Variants in DACH1 observed in about 807,000 individuals in gnomAD.
The protein encoded by DACH1 is dachshund family transcription factor 1, also known as dachshund homolog 1.
DACH1 carries 12 observed loss-of-function variants against 54.2 expected under a neutral mutation model. The ratio of observed to expected loss-of-function variants is 0.22; its 90% confidence interval spans 0.14 to 0.36. The LOEUF is 0.36. Ranked by LOEUF, DACH1 falls within the 10% of genes least tolerant of loss-of-function variation. The pLI is 1.00. For synonymous variants in DACH1, 386 were observed against 366.2 expected (o/e 1.05, Z -0.62); for missense variants, 805 against 929.8 (o/e 0.87, Z 1.75).
chr13:71,601,671 T>A (rs1353771870), intron 3 of DACH1, among the ~76,000 whole-genome samples: 2 of 152,042 alleles, frequency 1.3e-5, no homozygotes, highest in Non-Finnish European at 2.9e-5. Context: ...ACTTTTTTTC[T>A]GATTGAAATA....
intron 2 of DACH1, among the ~76,000 whole-genome samples, chr13:71,676,368 C>T (rs1880570871): frequency 6.6e-6 from 1 of 152,130 alleles, no homozygotes; most frequent in Non-Finnish European, 1.5e-5. Flanking sequence ...CAGGCACCTG[C>T]CACCATGCCC....
intron 1 of DACH1, among the ~76,000 whole-genome samples, chr13:71,711,111 T>C (rs1048800011): frequency 2.6e-5 from 4 of 152,170 alleles, no homozygotes; most frequent in Admixed American, 6.5e-5. Flanking sequence ...GGTCATACAC[T>C]AGGCTGGATC....
intron 3 of DACH1, among the ~76,000 whole-genome samples, chr13:71,599,337 G>C (rs1452816619): frequency 6.6e-6 from 1 of 152,134 alleles, no homozygotes; most frequent in African/African-American, 2.4e-5. Flanking sequence ...TAAATGTAAT[G>C]TAATTCAGGT....
chr13:71,804,398 T>G (rs372047414), intron 1 of DACH1, among the ~76,000 whole-genome samples: 64 of 152,254 alleles, frequency 4.2e-4, no homozygotes, highest in African/African-American at 1.5e-3. Flanking sequence ...ATCATCTTCC[T>G]TCTCTTACCA....
At chr13:71,572,374 A>G (rs1464688206) in intron 4 of DACH1, among the ~76,000 whole-genome samples, 1 of 152,098 alleles carries the variant, frequency 6.6e-6, no homozygotes, top group East Asian at 1.9e-4. Context: ...GAAACTTCCA[A>G]TTTTATTACT....
At chr13:71,791,618 G>A (rs1053544361) in intron 1 of DACH1, among the ~76,000 whole-genome samples, 4 of 152,006 alleles carry the variant, frequency 2.6e-5, no homozygotes, top group African/African-American at 4.8e-5. Flanking sequence ...TTCTGACCTC[G>A]GGTGATCCAC....
chr13:71,619,641 C>T (rs1876059094), intron 3 of DACH1, among the ~76,000 whole-genome samples: 1 of 151,566 alleles, frequency 6.6e-6, no homozygotes, highest in African/African-American at 2.4e-5. Flanking sequence ...ATTAAGAAAA[C>T]AGATTACAAA....
intron 10 of DACH1, among the ~76,000 whole-genome samples, chr13:71,462,793 T>C (rs566716121): frequency 2.0e-5 from 3 of 151,906 alleles, no homozygotes; most frequent in African/African-American, 7.2e-5. Flanking sequence ...ACACACTTGG[T>C]ATTATACTTA....
intron 1 of DACH1, among the ~76,000 whole-genome samples, chr13:71,861,049 T>C (rs910690359): frequency 1.3e-5 from 2 of 151,704 alleles, no homozygotes; most frequent in Non-Finnish European, 1.5e-5. Flanking sequence ...CTCAGGGAGT[T>C]GGGGGATGCA....
At chr13:71,511,373 G>A (rs1566307137) in intron 6 of DACH1, among the ~76,000 whole-genome samples, 1 of 151,494 alleles carries the variant, frequency 6.6e-6, no homozygotes, top group Admixed American at 6.7e-5. Context: ...TTTATGTGCT[G>A]AGAGCCAAAA....
intron 4 of DACH1, among the ~76,000 whole-genome samples, chr13:71,568,585 AAGTT>A (rs1366543760): frequency 6.6e-6 from 1 of 152,028 alleles, no homozygotes; most frequent in Non-Finnish European, 1.5e-5. Flanking sequence ...AAATATAACA[AAGTT>A]AAGGTAGAAG....
chr13:71,754,872 T>A (rs1368395223), intron 1 of DACH1, among the ~76,000 whole-genome samples: 1 of 152,190 alleles, frequency 6.6e-6, no homozygotes, highest in Non-Finnish European at 1.5e-5. Flanking sequence ...AAGTATGTTA[T>A]GAATTGTTAA....
chr13:71,443,126 A>G (rs1026709312), intron 10 of DACH1, among the ~76,000 whole-genome samples: 1 of 150,146 alleles, frequency 6.7e-6, no homozygotes, highest in African/African-American at 2.4e-5. Flanking sequence ...AAAACATATA[A>G]TGAACATCTC....
intron 6 of DACH1, among the ~76,000 whole-genome samples, chr13:71,514,955 G>A (rs1881048349): frequency 2.0e-5 from 3 of 151,770 alleles, no homozygotes. Context: ...TTTTCTTCTT[G>A]GGCATGTCTT....
intron 6 of DACH1, among the ~76,000 whole-genome samples, chr13:71,515,196 A>T (rs1472884629): frequency 6.6e-6 from 1 of 151,904 alleles, no homozygotes; most frequent in African/African-American, 2.4e-5. Context: ...GTCAATTGAA[A>T]TTTTTAAAAA....
chr13:71,507,764 T>C (rs1293613482), intron 6 of DACH1, among the ~76,000 whole-genome samples: 1 of 152,202 alleles, frequency 6.6e-6, no homozygotes, highest in African/African-American at 2.4e-5. Flanking sequence ...TTTTAATATA[T>C]GGAGATAATA....
At chr13:71,750,113 T>C (rs1385332009) in intron 1 of DACH1, among the ~76,000 whole-genome samples, 2 of 152,150 alleles carry the variant, frequency 1.3e-5, no homozygotes, top group African/African-American at 4.8e-5. Context: ...TCTCTCATGC[T>C]CTTTCTCCGC....
At chr13:71,562,616 T>C (rs1884660558) in intron 4 of DACH1, among the ~76,000 whole-genome samples, 1 of 152,122 alleles carries the variant, frequency 6.6e-6, no homozygotes, top group Non-Finnish European at 1.5e-5. Flanking sequence ...TATTATCAGT[T>C]ACTTTTCCAA....
chr13:71,749,426 G>A (rs902152049), intron 1 of DACH1, among the ~76,000 whole-genome samples: 7 of 151,708 alleles, frequency 4.6e-5, no homozygotes, highest in Non-Finnish European at 4.4e-5. Flanking sequence ...TTTTTTTGAG[G>A]GGGGGGCATT....
Sources: gnomAD v4.1 joint callset for allele counts (sites outside exome capture counted in the v4.1 genomes callset) on GRCh38, gnomAD v4.1.1 for gene constraint, MANE v1.5 for transcripts, NCBI Gene and HGNC (gene_info 2026-07-23, HGNC 2026-07-21) for gene names.